The following UNC93A variants were observed in gnomAD, a reference collection of about 807,000 sequenced individuals.
The protein encoded by UNC93A is unc-93 homolog A, also known as N-acetylglucosamine transporter UNC93A.
A neutral mutation model predicts 47.5 loss-of-function variants in UNC93A; 43 were observed. That is an observed-to-expected ratio of 0.91 (90% CI 0.71 to 1.17). The LOEUF is 1.17. Ranked by LOEUF, UNC93A falls within the 50% of genes most tolerant of loss-of-function variation. The pLI, the probability that UNC93A is intolerant of heterozygous loss-of-function variation, is 0.00. For missense variants in UNC93A, 605 were observed against 577.6 expected, an observed-to-expected ratio of 1.05 and a Z score of -0.49; for synonymous variants, 280 against 258.0, an observed-to-expected ratio of 1.09 and a Z score of -0.82.
chr6:167,311,390 C>T (rs920781574), intron 7 of UNC93A, among the ~76,000 whole-genome samples: 2 of 152,206 alleles, frequency 1.3e-5, no homozygotes, highest in African/African-American at 4.8e-5. Flanking sequence ...CTCCAGCCAT[C>T]CCCTGGCCTC....
In UNC93A at chr6:167,274,875, C is replaced by T. The variant is rs535216374; in HGVS notation, c.-52+3417C>T. On this transcript the variant is annotated intron_variant, in intron 1 of 3. Transcript: ENST00000503433. ...AGGTCCAAGCTCACAGTGCAAATTG[C>T]TCCTGCAAAGCTACTTTGATTAGGC... Among the ~76,000 whole-genome samples, 3 of 152,328 alleles carry T rather than the reference C, an allele frequency of 2.0e-5. 1 individual carries two copies. The highest frequency in any genetic ancestry group is 4.8e-5 in the African/African-American group (2 of 41,554).
At chr6:167,289,092 C>T (rs1176859284), upstream of UNC93A, among the ~76,000 whole-genome samples, 1 of 152,294 alleles carries the variant, frequency 6.6e-6, no homozygotes, top group African/African-American at 2.4e-5. Context: ...GCCATGGCTC[C>T]AGTGCACACA....
intron 1 of UNC93A, among the ~76,000 whole-genome samples, chr6:167,276,877 G>A (rs1325067276): frequency 6.6e-6 from 1 of 152,230 alleles, no homozygotes; most frequent in Non-Finnish European, 1.5e-5. Flanking sequence ...CAATAAACAT[G>A]AGCAGCTGCC....
upstream of UNC93A, among the ~76,000 whole-genome samples, chr6:167,287,701 ATGTGTGTGCATATGTG>A (rs1375681736): frequency 1.4e-5 from 2 of 144,054 alleles, no homozygotes; most frequent in Admixed American, 6.9e-5. Flanking sequence ...GTGTGTGTGC[ATGTGTGTGCATATGTG>A]TGTGTGTGCA....
upstream of UNC93A, among the ~76,000 whole-genome samples, chr6:167,287,054 G>T (rs941290673): frequency 6.6e-6 from 1 of 150,940 alleles, no homozygotes; most frequent in Non-Finnish European, 1.5e-5. Flanking sequence ...TAGAAGACAT[G>T]TAAGTGGTTG....
rs553607245 is a variant in UNC93A at position 167,294,653 on chromosome 6, T to A, written c.224T>A (p.Met75Lys). Reference protein sequence around the residue: ...LGCKGTIILSMCGYVAFSVGN... With the variant: ...LGCKGTIILSKCGYVAFSVGN... ...TGCAAGGGGACCATCATCCTCTCCATGTGTGGCTACGTGGCCTTCTCCGTG... is the reference window on the plus strand; with the variant it reads ...TGCAAGGGGACCATCATCCTCTCCAAGTGTGGCTACGTGGCCTTCTCCGTG... Residue 75 changes from methionine (M) to lysine (K), a missense_variant, in exon 2 of 8, where the codon ATG (methionine) becomes AAG (lysine). Coordinates refer to ENST00000230256, the MANE Select transcript of UNC93A (RefSeq NM_018974.4). The A allele has an allele frequency of 6.2e-7, 1 of 1,609,770 alleles. No homozygotes were observed. The highest frequency in any genetic ancestry group is 8.5e-7 in the Non-Finnish European group (1 of 1,176,634).
chr6:167,270,222 T>C (rs1166489529), upstream of UNC93A, among the ~76,000 whole-genome samples: 3 of 152,212 alleles, frequency 2.0e-5, no homozygotes, highest in Non-Finnish European at 4.4e-5. Flanking sequence ...TCTTTTTTCA[T>C]GTCTAAGACA....
chr6:167,312,116 A>AGTCT (rs1562362137), intron 7 of UNC93A, among the ~76,000 whole-genome samples: 1 of 152,126 alleles, frequency 6.6e-6, no homozygotes, highest in African/African-American at 2.4e-5. Flanking sequence ...AGAGCACCGT[A>AGTCT]GTCTGTAGGC....
chr6:167,307,132 G>A (rs1328979921), intron 6 of UNC93A, among the ~76,000 whole-genome samples: 1 of 152,156 alleles, frequency 6.6e-6, no homozygotes. Flanking sequence ...CTAATGAGAA[G>A]GCCCTTCTCT....
chr6:167,293,588 G>C (rs961282475), intron 1 of UNC93A, among the ~76,000 whole-genome samples: 9 of 152,140 alleles, frequency 5.9e-5, no homozygotes, highest in African/African-American at 2.2e-4. Context: ...AGAACCCCAA[G>C]GCTACTATGG....
intron 6 of UNC93A, among the ~76,000 whole-genome samples, chr6:167,306,329 C>G (rs116015763): frequency 0.012 from 1,819 of 152,244 alleles, 49 homozygotes; most frequent in African/African-American, 0.041. Context: ...GTGACCAGGC[C>G]AGGGTGGGGC....
At chr6:167,308,684 C>A (rs958089476) in intron 7 of UNC93A, among the ~76,000 whole-genome samples, 5 of 151,876 alleles carry the variant, frequency 3.3e-5, no homozygotes, top group African/African-American at 2.4e-5. Context: ...AAGTCGGGTC[C>A]CCAAGTGTGG....
chr6:167,283,036 C>T (rs1466892764), intron 1 of UNC93A, among the ~76,000 whole-genome samples: 1 of 152,106 alleles, frequency 6.6e-6, no homozygotes, highest in Non-Finnish European at 1.5e-5. Context: ...CCCTTAGAGA[C>T]AACAGATGGC....
At chr6:167,274,245 G>A (rs1783501051) in intron 1 of UNC93A, among the ~76,000 whole-genome samples, 1 of 152,182 alleles carries the variant, frequency 6.6e-6, no homozygotes, top group Admixed American at 6.5e-5. Context: ...CCTTAGGTAG[G>A]AATTTGGGCA....
At chr6:167,283,555 G>C (rs1783669663) in intron 1 of UNC93A, among the ~76,000 whole-genome samples, 2 of 152,260 alleles carry the variant, frequency 1.3e-5, no homozygotes, top group Admixed American at 1.3e-4. Context: ...AGGTGGCAGG[G>C]AAAGAGGTGG....
intron 2 of UNC93A, among the ~76,000 whole-genome samples, chr6:167,295,800 T>C (rs1583076046): frequency 6.6e-6 from 1 of 152,262 alleles, no homozygotes; most frequent in African/African-American, 2.4e-5. Flanking sequence ...GGAGCCTCAC[T>C]GGCTTCAATT....
upstream of UNC93A, among the ~76,000 whole-genome samples, chr6:167,287,713 A>ATG (rs373348761): frequency 1.2e-3 from 183 of 149,444 alleles, no homozygotes; most frequent in Non-Finnish European, 2.1e-3. Flanking sequence ...GTGTGTGCAT[A>ATG]TGTGTGTGTG....
At chr6:167,297,447 A>C in intron 3 of UNC93A, among the ~76,000 whole-genome samples, 1 of 152,194 alleles carries the variant, frequency 6.6e-6, no homozygotes, top group Middle Eastern at 3.2e-3. Context: ...ACTGAGAGTC[A>C]TTGCTAATTC....
At chr6:167,307,953 G>A in intron 7 of UNC93A, 43 bp downstream of exon 7, 1 of 1,607,576 alleles carries the variant, frequency 6.2e-7, no homozygotes, top group Non-Finnish European at 8.5e-7. Context: ...GCAGCAGGGG[G>A]CGGTCCCTGG....
Sources: gnomAD v4.1 joint callset for allele counts (sites outside exome capture counted in the v4.1 genomes callset) on GRCh38, gnomAD v4.1.1 for gene constraint, MANE v1.5 for transcripts, NCBI Gene and HGNC (gene_info 2026-07-23, HGNC 2026-07-21) for gene names.